METTL22: variants seen among roughly 807,000 people sequenced by gnomAD.
METTL22 encodes the protein methyltransferase-like protein 22.
Under a neutral mutation model 48.4 loss-of-function variants are expected in METTL22, and 51 were observed. The observed-to-expected ratio is 1.05, with a 90% CI of 0.84 to 1.33. METTL22 has a LOEUF of 1.33. Ranked by LOEUF, METTL22 falls within the 40% of genes most tolerant of loss-of-function variation. The probability of loss-of-function intolerance (pLI) is 0.00; values close to 1 mark genes in which losing one functional copy is unlikely to be tolerated. For synonymous variants in METTL22, 255 were observed against 214.1 expected (o/e 1.19, Z -1.67); for missense variants, 678 against 526.9 (o/e 1.29, Z -2.81).
chr16:8,652,128 C>G (rs1428862787), downstream of METTL22, among the ~76,000 whole-genome samples: 1 of 152,142 alleles, frequency 6.6e-6, no homozygotes, highest in Non-Finnish European at 1.5e-5. Context: ...GGGACACAGC[C>G]TCAGAGTTCA....
At chr16:8,660,599 C>T in the METTL22 span, among the ~76,000 whole-genome samples, 1 of 151,892 alleles carries the variant, frequency 6.6e-6, no homozygotes, top group African/African-American at 2.4e-5. Flanking sequence ...GTAAATAAGA[C>T]TTTTAATACA....
At chr16:8,642,001 G>T (rs1233481576) in intron 7 of METTL22, 126 bp from the exon 8 acceptor site, 1 of 724,440 alleles carries the variant, frequency 1.4e-6, no homozygotes, top group Admixed American at 2.1e-5. Flanking sequence ...GCCTGGTGGT[G>T]CCCACTGCAC....
chr16:8,650,391 T>C (rs1170248017), downstream of METTL22, among the ~76,000 whole-genome samples: 2 of 152,250 alleles, frequency 1.3e-5, no homozygotes, highest in Non-Finnish European at 2.9e-5. Flanking sequence ...CTGCCTCTGC[T>C]GTGTAACAGC....
chr16:8,664,724 G>A, the METTL22 span, among the ~76,000 whole-genome samples: 1 of 152,112 alleles, frequency 6.6e-6, no homozygotes, highest in African/African-American at 2.4e-5. Context: ...GCCTTCCAAA[G>A]TGCTGGGATG....
chr16:8,665,783 C>A, the METTL22 span, among the ~76,000 whole-genome samples: 1 of 152,148 alleles, frequency 6.6e-6, no homozygotes. Context: ...CCTGGCCAGG[C>A]GGAGACACCC....
At chr16:8,627,501 A>G (rs2141696260) in intron 2 of METTL22, among the ~76,000 whole-genome samples, 2 of 152,234 alleles carry the variant, frequency 1.3e-5, no homozygotes, top group East Asian at 3.9e-4. Context: ...ACTACCCTGT[A>G]TTAGCTTGTT....
chr16:8,641,436 T>C (rs1694201883), intron 7 of METTL22: 2 of 603,742 alleles, frequency 3.3e-6, no homozygotes, highest in Non-Finnish European at 6.2e-6. Context: ...AGCATGATAA[T>C]CCCTGAATTG....
At chr16:8,663,658 C>T in the METTL22 span, among the ~76,000 whole-genome samples, 1 of 152,202 alleles carries the variant, frequency 6.6e-6, no homozygotes, top group African/African-American at 2.4e-5. Context: ...AACCTCTTCA[C>T]AGCCCTGTGG....
In METTL22 at chr16:8,628,992, T is replaced by C. The variant is rs2056161175; in HGVS notation, c.396T>C (p.Ser132=). 3.1e-6 allele frequency: 5 copies of C among 1,614,172 alleles called. No individual in the cohort carries two copies. The East Asian group carries it at 1.1e-4, about 36-fold the overall frequency. Reference sequence around the variant, plus strand: ...TGGTGAGAAGACCACGAGCCGCCTCTGATTCCAACCCAGCAGGGCCTCTGA... The same window carrying C: ...TGGTGAGAAGACCACGAGCCGCCTCCGATTCCAACCCAGCAGGGCCTCTGA... The part of the protein sequence containing the change: ...LDVVRRPRAA[S]DSNPAGPLRD... The change falls in exon 3 of 11, where the codon TCT becomes TCC. Residue 132 remains serine (S), a synonymous_variant. Coordinates refer to ENST00000381920, the MANE Select transcript of METTL22 (RefSeq NM_024109.4).
chr16:8,640,969 G>GCTGT (rs1555475054), intron 6 of METTL22, among the ~76,000 whole-genome samples, 162 bp from the exon 7 acceptor site: 2 of 113,610 alleles, frequency 1.8e-5, no homozygotes, highest in Non-Finnish European at 4.0e-5. Context: ...TGGCTGGCTG[G>GCTGT]CTGGCTGGCT....
At chr16:8,642,947 C>A (rs760858154) in intron 9 of METTL22, 4 of 222,826 alleles carry the variant, frequency 1.8e-5, no homozygotes, top group Non-Finnish European at 3.7e-5. Context: ...CCGTCTGTCT[C>A]TTCAGCTCCC....
At chr16:8,653,798 A>C (rs1314101500), downstream of METTL22, among the ~76,000 whole-genome samples, 1 of 152,150 alleles carries the variant, frequency 6.6e-6, no homozygotes, top group African/African-American at 2.4e-5. Flanking sequence ...GGCTCAAGCT[A>C]CTGAAACGTT....
chr16:8,633,887 A>C (rs978571629), intron 3 of METTL22, among the ~76,000 whole-genome samples: 1 of 152,252 alleles, frequency 6.6e-6, no homozygotes, highest in Non-Finnish European at 1.5e-5. Context: ...CCAATCAGGT[A>C]GAATCTCAGT....
At chr16:8,631,456 T>A (rs1321834185) in intron 3 of METTL22, 1 of 152,224 alleles carries the variant, frequency 6.6e-6, no homozygotes, top group East Asian at 1.9e-4. Context: ...TTAGCCTCTC[T>A]GAGTTCAGTT....
intron 2 of METTL22, among the ~76,000 whole-genome samples, chr16:8,627,412 C>T (rs1037993484): frequency 1.3e-5 from 2 of 152,092 alleles, no homozygotes; most frequent in African/African-American, 4.8e-5. Flanking sequence ...AGGGAGAAAA[C>T]ACCTGCTTTC....
the METTL22 span, chr16:8,666,827 C>T: frequency 6.8e-6 from 1 of 148,114 alleles, no homozygotes; most frequent in South Asian, 2.1e-4. Flanking sequence ...GTTCTTGTTG[C>T]CCAGGCTGTA....
At chr16:8,652,794 T>C (rs1162709941), downstream of METTL22, among the ~76,000 whole-genome samples, 1 of 152,150 alleles carries the variant, frequency 6.6e-6, no homozygotes, top group Non-Finnish European at 1.5e-5. Flanking sequence ...GTAACCAAGC[T>C]TATGGGTCTG....
intron 5 of METTL22, among the ~76,000 whole-genome samples, chr16:8,636,421 C>A (rs1488993239): frequency 3.3e-5 from 5 of 150,532 alleles, no homozygotes; most frequent in African/African-American, 1.2e-4. Flanking sequence ...ACCTGTAATC[C>A]CAGCTACTTG....
chr16:8,642,959 C>T (rs990677921), intron 9 of METTL22: 39 of 218,082 alleles, frequency 1.8e-4, no homozygotes, highest in African/African-American at 5.5e-4. Flanking sequence ...TCAGCTCCCC[C>T]AGGTCTCTTT....
Sources: gnomAD v4.1 joint callset for allele counts (sites outside exome capture counted in the v4.1 genomes callset) on GRCh38, gnomAD v4.1.1 for gene constraint, MANE v1.5 for transcripts, NCBI Gene and HGNC (gene_info 2026-07-23, HGNC 2026-07-21) for gene names.